The following SREBF2 variants were observed in gnomAD, a reference collection of about 807,000 sequenced individuals.
SREBF2 encodes sterol regulatory element binding transcription factor 2, also known as sterol regulatory element-binding protein 2.
In SREBF2, 55 loss-of-function variants were observed where a neutral mutation model predicts 113.1. The observed-to-expected ratio is 0.49, with a 90% confidence interval of 0.39 to 0.61. The LOEUF (loss-of-function observed/expected upper bound fraction) is 0.61. SREBF2 is among the 20% of genes least tolerant of loss of function. SREBF2 has a pLI of 0.00. For synonymous variants in SREBF2, 593 were observed against 605.7 expected (o/e 0.98, Z 0.31); for missense variants, 1,349 against 1,487.4 (o/e 0.91, Z 1.53).
Position 41,868,747 on chromosome 22 carries a change from GGCT to G in SREBF2, c.676_678del (p.Ala226del). 1 of 1,613,948 alleles carries G rather than the reference GGCT, an allele frequency of 6.2e-7. No individual in the cohort carries two copies. Among genetic ancestry groups the G allele is most frequent in the Non-Finnish European group, 8.5e-7 (1 of 1,179,932 alleles). On this transcript the variant is annotated inframe_deletion, in exon 3 of 19. Coordinates refer to ENST00000361204, the MANE Select transcript of SREBF2 (RefSeq NM_004599.4). ...ATGGCACGCTGCAGACCCTTGCCCC[GGCT>G]ACGGTGCAGACAGTTGCTGCGCCAC...
chr22:41,875,812 C>A (rs953349082), intron 7 of SREBF2, 88 bp downstream of exon 7: 14 of 1,463,732 alleles, frequency 9.6e-6, no homozygotes, highest in Non-Finnish European at 1.3e-5. Context: ...TGAGGCCAGG[C>A]CGCATGTTAA....
At chr22:41,874,950 G>T (rs1242092149) in intron 5 of SREBF2, among the ~76,000 whole-genome samples, 1 of 152,150 alleles carries the variant, frequency 6.6e-6, no homozygotes, top group East Asian at 1.9e-4. Flanking sequence ...ACAATGCTGT[G>T]GTTGTTTTTT....
intron 1 of SREBF2, among the ~76,000 whole-genome samples, chr22:41,853,889 G>T (rs1180203833): frequency 6.6e-6 from 1 of 151,894 alleles, no homozygotes; most frequent in African/African-American, 2.4e-5. Context: ...CAAAAAATTA[G>T]CTGGGCGTGG....
chr22:41,876,732 G>A (rs1300940975), intron 7 of SREBF2, among the ~76,000 whole-genome samples: 2 of 152,152 alleles, frequency 1.3e-5, no homozygotes, highest in African/African-American at 2.4e-5. Flanking sequence ...TAAAAGTACA[G>A]TACCAAGAGT....
At chr22:41,840,806 G>C (rs1241451219) in intron 1 of SREBF2, among the ~76,000 whole-genome samples, 1 of 152,102 alleles carries the variant, frequency 6.6e-6, no homozygotes, top group African/African-American at 2.4e-5. Context: ...GACAGTCACT[G>C]TCCCAACTTG....
At chr22:41,840,394 C>T (rs1160269262) in intron 1 of SREBF2, among the ~76,000 whole-genome samples, 1 of 152,182 alleles carries the variant, frequency 6.6e-6, no homozygotes, top group Non-Finnish European at 1.5e-5. Flanking sequence ...CTTCACTTAT[C>T]TTGGGACAAC....
chr22:41,862,069 G>GT (rs2077032720), intron 1 of SREBF2, among the ~76,000 whole-genome samples: 1 of 151,632 alleles, frequency 6.6e-6, no homozygotes, highest in South Asian at 2.1e-4. Context: ...GACTGAATCT[G>GT]TAATTTGGAG....
At chr22:41,900,570 C>T in intron 16 of SREBF2, 72 bp downstream of exon 16, 1 of 1,492,648 alleles carries the variant, frequency 6.7e-7, no homozygotes, top group Non-Finnish European at 9.2e-7. Flanking sequence ...CCACTCACCT[C>T]ATGCTGACCC....
At position 41,866,952 on chromosome 22, in the gene SREBF2, C is replaced by T. The variant is rs1467867186; in HGVS notation, c.210C>T (p.Ser70=). The T allele has an allele frequency of 6.2e-7, 1 of 1,613,784 alleles. No individual in the cohort carries two copies. The highest frequency in any genetic ancestry group is 1.3e-5 in the African/African-American group (1 of 74,890). ...SGSSSGSSGS[S]SSSSNGRGSS... ...GCAGCAGCGGCAGCAGTGGCAGCAG[C>T]AGCAGCAGCAGCAATGGCAGGGGCA... The change falls in exon 2 of 19, where the codon AGC becomes AGT. Residue 70 remains serine, a synonymous_variant. Transcript: ENST00000361204.
At chr22:41,873,730 C>A (rs980385071) in intron 4 of SREBF2, 68 bp from the exon 5 acceptor site, 15 of 1,507,728 alleles carry the variant, frequency 9.9e-6, no homozygotes, top group African/African-American at 2.8e-5. Context: ...GCGGGCAGGT[C>A]TGTGTTGAGG....
chr22:41,894,525 A>C (rs909257022), intron 12 of SREBF2, among the ~76,000 whole-genome samples: 3 of 151,884 alleles, frequency 2.0e-5, no homozygotes, highest in Admixed American at 6.6e-5. Flanking sequence ...ATCCAACTCC[A>C]CCTGACAGCT....
chr22:41,833,607 G>A lies in SREBF2; in HGVS notation c.88+249G>A, dbSNP rs1393360790. On this transcript the variant is annotated intron_variant, in intron 1 of 18. Coordinates refer to ENST00000361204, the MANE Select transcript of SREBF2 (RefSeq NM_004599.4). This position sits in a 1 kb window ranked among gnomAD's most constrained non-coding sequence, Gnocchi z 4.1. ...GCCGAAAGCGGCGCGAGGGTCGCGGGTTCCAGAGCGCGGGGCTAGGGACGT... is the reference window on the plus strand; with the variant it reads ...GCCGAAAGCGGCGCGAGGGTCGCGGATTCCAGAGCGCGGGGCTAGGGACGT... 1.2e-5 allele frequency: 5 copies of A among 407,494 alleles called. No individual in the cohort carries two copies. The highest frequency in any genetic ancestry group is 1.7e-5 in the Non-Finnish European group (4 of 232,082). The allele number at this position is 407,494 out of a possible 1,614,324, so 25.2% of individuals were successfully genotyped here. A position where few individuals can be genotyped will look rare whatever the true frequency, so the allele number is the denominator to read the frequency against.
chr22:41,880,864 T>C lies in SREBF2; in HGVS notation c.1910T>C (p.Leu637Pro). 1 of 1,613,970 alleles carries C rather than the reference T, an allele frequency of 6.2e-7. No individual in the cohort carries two copies. Among genetic ancestry groups the C allele is most frequent in the Non-Finnish European group, 8.5e-7 (1 of 1,180,008 alleles). The change falls in exon 10 of 19, where the codon CTG becomes CCG. Residue 637 changes from leucine to proline, a missense_variant. By Grantham distance (98) the Leu-to-Pro change is moderately conservative. This residue lies in a region of SREBF2 where 699 missense variants were observed against 843.3 expected (regional missense o/e 0.83). Transcript: ENST00000361204. ...SLQKLRLVRWLLKKVFQCRRA... is the reference protein window; with the variant it reads ...SLQKLRLVRWPLKKVFQCRRA... Reference sequence around the variant, plus strand: ...CAGAAGCTACGCCTGGTGCGCTGGCTGCTCAAGAAAGTCTTCCAGTGCCGG... The same window carrying C: ...CAGAAGCTACGCCTGGTGCGCTGGCCGCTCAAGAAAGTCTTCCAGTGCCGG...
At chr22:41,863,425 T>C (rs948795369) in intron 1 of SREBF2, among the ~76,000 whole-genome samples, 1 of 152,278 alleles carries the variant, frequency 6.6e-6, no homozygotes, top group Non-Finnish European at 1.5e-5. Flanking sequence ...TGTATTGATT[T>C]CTTACAGAGT....
At chr22:41,854,048 A>G (rs951846396) in intron 1 of SREBF2, among the ~76,000 whole-genome samples, 5 of 151,876 alleles carry the variant, frequency 3.3e-5, no homozygotes, top group Admixed American at 6.6e-5. Context: ...AAAAAAAAAA[A>G]AAGAAGAAAG....
intron 1 of SREBF2, among the ~76,000 whole-genome samples, chr22:41,840,254 G>A (rs1240876884): frequency 3.3e-5 from 5 of 151,922 alleles, no homozygotes; most frequent in Admixed American, 6.6e-5. Context: ...CACCGCGCCC[G>A]GCCCACATGC....
In SREBF2 at chr22:41,898,785, C is replaced by T. The variant is rs370456909; in HGVS notation, c.2738+4C>T. ...CCAAGGCCCTGGAAGTGACAGAGTG[C>T]GTAACCCTCCTTGGCCACTCACTTG... is the stretch of plus-strand genomic sequence containing the variant. On this transcript the variant is annotated splice_donor_region_variant and intron_variant, in intron 15 of 18. Coordinates refer to ENST00000361204, the MANE Select transcript of SREBF2 (RefSeq NM_004599.4). 22 of 1,613,824 alleles carry T rather than the reference C, an allele frequency of 1.4e-5. No individual in the cohort carries two copies. The Admixed American group carries it at 2.7e-4, about 20-fold the overall frequency.
At chr22:41,841,631 A>G (rs930298673) in intron 1 of SREBF2, among the ~76,000 whole-genome samples, 6 of 152,224 alleles carry the variant, frequency 3.9e-5, no homozygotes, top group African/African-American at 1.4e-4. Flanking sequence ...ATTTTAAAAA[A>G]TATATATTTT....
At chr22:41,864,253 TATATATATACACAC>T (rs1405077722) in intron 1 of SREBF2, among the ~76,000 whole-genome samples, 40 of 81,932 alleles carry the variant, frequency 4.9e-4, no homozygotes, top group African/African-American at 1.7e-3. Context: ...TATATATATA[TATATATATACACAC>T]ACACACACAC....
Sources: allele counts gnomAD v4.1 joint callset (sites outside exome capture counted in the v4.1 genomes callset), GRCh38; gene constraint gnomAD v4.1.1; regional missense constraint gnomAD v4.1.1; non-coding constraint Gnocchi (gnomAD v3.1); transcripts MANE v1.5; gene names NCBI Gene and HGNC (gene_info 2026-07-23, HGNC 2026-07-21).